The following SYNJ2 variants were observed in gnomAD, a reference collection of about 807,000 sequenced individuals.
SYNJ2 encodes synaptojanin 2, also known as polyphosphatidylinositol phosphatase SYNJ2.
SYNJ2 carries 116 observed loss-of-function variants against 141.3 expected under a neutral mutation model. That is an observed-to-expected ratio of 0.82 (90% confidence interval 0.71 to 0.96). SYNJ2 has a LOEUF of 0.96. Ranked by LOEUF, SYNJ2 falls within the 40% of genes least tolerant of loss-of-function variation. The pLI, the probability that SYNJ2 is intolerant of heterozygous loss-of-function variation, is 0.00. For synonymous variants in SYNJ2, 745 were observed against 777.7 expected, an observed-to-expected ratio of 0.96 and a Z score of 0.70; for missense variants, 1,873 against 1,934.8, an observed-to-expected ratio of 0.97 and a Z score of 0.60.
intron 8 of SYNJ2, 136 bp downstream of exon 8, chr6:158,062,300 AG>A: frequency 7.3e-7 from 1 of 1,371,962 alleles, no homozygotes. Flanking sequence ...GTGCCCTATG[AG>A]GGGCAGCTTC....
intron 1 of SYNJ2, among the ~76,000 whole-genome samples, chr6:158,013,766 AGT>A (rs1778354142): frequency 6.6e-6 from 1 of 152,072 alleles, no homozygotes; most frequent in Non-Finnish European, 1.5e-5. Flanking sequence ...GGTGTAAACG[AGT>A]GTGGTTTTCA....
At chr6:158,059,114 T>C (rs904022547) in intron 6 of SYNJ2, 143 bp from the exon 7 acceptor site, 1 of 832,314 alleles carries the variant, frequency 1.2e-6, no homozygotes. Context: ...TTTCCACGAT[T>C]TGGGTCATGG....
chr6:158,046,899 C>CCCT (rs1554243284), intron 5 of SYNJ2, among the ~76,000 whole-genome samples: 18 of 151,680 alleles, frequency 1.2e-4, no homozygotes, highest in African/African-American at 3.4e-4. Flanking sequence ...CTTCCCCCCA[C>CCCT]CATATGCTGT....
chr6:157,986,763 A>T (rs1245220613), intron 1 of SYNJ2, among the ~76,000 whole-genome samples: 1 of 152,256 alleles, frequency 6.6e-6, no homozygotes, highest in African/African-American at 2.4e-5. Flanking sequence ...ACACAAAAGT[A>T]GAGGGAAAAA....
rs531565340 is a variant in SYNJ2 at position 158,097,991 on chromosome 6, A to C, written c.*1627A>C. ...TTTTTACCTCTGTAACAAACACAAG[A>C]AATAAACAGAATGGTCCTTAACAGA... On this transcript the variant is annotated 3_prime_UTR_variant, in exon 27 of 27. Transcript: ENST00000355585. 6.6e-6 allele frequency: 1 copy of C among 152,348 alleles called. No individual in the cohort carries two copies. Among genetic ancestry groups the C allele is most frequent in the African/African-American group, 2.4e-5 (1 of 41,580 alleles). The allele number at this position is 152,348 out of a possible 1,614,324, so 9.4% of individuals were successfully genotyped here.
chr6:157,988,695 G>C (rs190112054), intron 1 of SYNJ2, among the ~76,000 whole-genome samples: 1 of 152,224 alleles, frequency 6.6e-6, no homozygotes, highest in South Asian at 2.1e-4. Flanking sequence ...TGTCCTTAAA[G>C]CCATGGGTAA....
intron 7 of SYNJ2, among the ~76,000 whole-genome samples, chr6:158,061,289 G>A (rs1321883589): frequency 1.3e-5 from 2 of 152,244 alleles, no homozygotes; most frequent in Non-Finnish European, 2.9e-5. Context: ...GCCTGGGTAG[G>A]CGGACAGTTT....
At chr6:157,989,880 C>T (rs999635786) in intron 1 of SYNJ2, among the ~76,000 whole-genome samples, 2 of 151,522 alleles carry the variant, frequency 1.3e-5, no homozygotes, top group Admixed American at 6.6e-5. Context: ...TCCTGCAGAG[C>T]GTGTCTTCCT....
chr6:158,059,290 G>A lies in SYNJ2; in HGVS notation c.891G>A (p.Gln297=). The A allele has an allele frequency of 1.3e-6, 2 of 1,550,596 alleles. No individual in the cohort carries two copies. The highest frequency in any genetic ancestry group is 1.7e-6 in the Non-Finnish European group (2 of 1,146,866). Residue 297 remains glutamine (Q), a synonymous_variant, in exon 7 of 27, where the codon CAG becomes CAA. Coordinates refer to ENST00000355585, the MANE Select transcript of SYNJ2 (RefSeq NM_003898.4). The stretch of plus-strand genomic sequence containing the variant: ...TGCTTCTGAAGGAGCAGTACGGGCA[G>A]CAGGTGGTCGTGAACCTTCTGGGAA... ...HMVLLKEQYG[Q]QVVVNLLGSR...
intron 26 of SYNJ2, among the ~76,000 whole-genome samples, chr6:158,094,924 G>C (rs1368530612): frequency 6.6e-6 from 1 of 152,194 alleles, no homozygotes; most frequent in East Asian, 1.9e-4. Context: ...GAGGCGGGTG[G>C]ATCACCTGAG....
At chr6:158,038,447 G>A (rs962371160) in intron 4 of SYNJ2, among the ~76,000 whole-genome samples, 22 of 152,312 alleles carry the variant, frequency 1.4e-4, no homozygotes, top group East Asian at 3.9e-4. Context: ...CAAGAGATGC[G>A]TAGCGGGGCC....
At position 157,981,958 on chromosome 6, in the gene SYNJ2, C is replaced by T. The variant is rs534606106; in HGVS notation, c.-4C>T. ...GGCCCCCGCCCGCAGTGGGCCCGACCCTCATGGCCCTGAGCAAAGGGCTGC... is the reference window on the plus strand; with the variant it reads ...GGCCCCCGCCCGCAGTGGGCCCGACTCTCATGGCCCTGAGCAAAGGGCTGC... On this transcript the variant is annotated 5_prime_UTR_variant, in exon 1 of 27. Transcript: ENST00000355585. This position sits in a 1 kb window ranked among gnomAD's most constrained non-coding sequence, Gnocchi z 6.4. 22 of 1,232,786 alleles carry T rather than the reference C, an allele frequency of 1.8e-5. No homozygotes were observed. The highest frequency in any genetic ancestry group is 2.2e-5 in the Non-Finnish European group (22 of 987,854). 76.4% of individuals were successfully genotyped at this position (1,232,786 alleles called of 1,614,324 possible).
In SYNJ2 at chr6:158,017,341, G is replaced by T. The variant is rs776408745; in HGVS notation, c.214+51G>T. The stretch of plus-strand genomic sequence containing the variant: ...AGGCGCCAGGCTCCCCGGTGGGCAG[G>T]AGCCTCTGTGTCGGAAGGGGCCTCA... On this transcript the variant is annotated intron_variant, in intron 2 of 26. Transcript: ENST00000355585. 8.3e-6 allele frequency: 13 copies of T among 1,570,262 alleles called. No individual in the cohort carries two copies. The South Asian group carries it at 1.2e-4, about 14-fold the overall frequency.
chr6:158,088,478 A>G (rs1783223520), intron 23 of SYNJ2, among the ~76,000 whole-genome samples, 182 bp from the exon 24 acceptor site: 1 of 152,024 alleles, frequency 6.6e-6, no homozygotes, highest in African/African-American at 2.4e-5. Flanking sequence ...CAAGTGAGAA[A>G]CTCCATAGAG....
chr6:158,078,845 A>T (rs1782496116), intron 18 of SYNJ2: 1 of 129,356 alleles, frequency 7.7e-6, no homozygotes, highest in Admixed American at 9.9e-5. Flanking sequence ...GGCTGGATGG[A>T]GTACAGTGGT....
At chr6:158,049,474 G>A (rs973930729) in intron 5 of SYNJ2, among the ~76,000 whole-genome samples, 5 of 152,176 alleles carry the variant, frequency 3.3e-5, no homozygotes, top group Non-Finnish European at 7.3e-5. Flanking sequence ...GGTGAGCTCC[G>A]GAGAGAACAT....
chr6:157,982,023 T>A lies in SYNJ2; in HGVS notation c.62T>A (p.Val21Glu). Residue 21 changes from valine to glutamate, a missense_variant, in exon 1 of 27, where the codon GTG (valine) becomes GAG (glutamate). Val to Glu is a moderately radical substitution (Grantham distance 121). Transcript: ENST00000355585. The surrounding 1 kb of genome is among the most constrained non-coding windows in gnomAD (Gnocchi z 4.0). Reference protein sequence around the residue: ...GRLGAEGDCSVLLEARGRDDC... With the variant: ...GRLGAEGDCSELLEARGRDDC... ...CTGGGGGCCGAGGGGGACTGTAGCG[T>A]GCTGCTGGAGGCGCGCGGCCGCGAC... 1 of 1,333,418 alleles carries A rather than the reference T, an allele frequency of 7.5e-7. No individual in the cohort carries two copies. 82.6% of individuals were successfully genotyped at this position (1,333,418 alleles called of 1,614,324 possible).
intron 24 of SYNJ2, 89 bp downstream of exon 24, chr6:158,088,861 G>A: frequency 1.0e-6 from 1 of 963,304 alleles, no homozygotes; most frequent in South Asian, 1.4e-5. Context: ...ATAGATTTAT[G>A]TGTCTTTAAC....
Position 158,061,942 on chromosome 6 carries a change from C to T in SYNJ2, c.955-50C>T, listed in dbSNP as rs754576854. 37 of 1,580,494 alleles carry T rather than the reference C, an allele frequency of 2.3e-5. No homozygotes were observed. In the East Asian group the frequency reaches 3.6e-4, roughly 15 times the overall value. On this transcript the variant is annotated intron_variant, in intron 7 of 26. Coordinates refer to ENST00000355585, the MANE Select transcript of SYNJ2 (RefSeq NM_003898.4). ...AGCTCTGCAAGGAGCTTGCCCTCCT[C>T]GTCCTCCCTTCCCTCTGCTCCCCTC...
Sources: allele counts gnomAD v4.1 joint callset (sites outside exome capture counted in the v4.1 genomes callset), GRCh38; gene constraint gnomAD v4.1.1; non-coding constraint Gnocchi (gnomAD v3.1); transcripts MANE v1.5; gene names NCBI Gene and HGNC (gene_info 2026-07-23, HGNC 2026-07-21).